Variants in NAV2 observed in about 807,000 individuals in gnomAD.
NAV2 encodes neuron navigator 2, also known as helicase, APC down-regulated 1.
NAV2 carries 54 observed loss-of-function variants against 223.2 expected under a neutral mutation model. That is an observed-to-expected ratio of 0.24 (90% CI 0.19 to 0.30). NAV2 has a LOEUF of 0.30. Ranked by LOEUF, NAV2 falls within the 10% of genes least tolerant of loss-of-function variation. The pLI, the probability that NAV2 is intolerant of heterozygous loss-of-function variation, is 1.00. For missense variants in NAV2, 2,806 were observed against 3,147.5 expected, an observed-to-expected ratio of 0.89 and a Z score of 2.60; for synonymous variants, 1,279 against 1,239.3, an observed-to-expected ratio of 1.03 and a Z score of -0.67.
At chr11:19,829,802 A>G (rs1265119609) in intron 1 of NAV2, among the ~76,000 whole-genome samples, 1 of 152,186 alleles carries the variant, frequency 6.6e-6, no homozygotes, top group Non-Finnish European at 1.5e-5. Flanking sequence ...GAGTCTTCAC[A>G]TCGACCTTCT....
intron 1 of NAV2, among the ~76,000 whole-genome samples, chr11:19,472,201 A>T (rs1252993852): frequency 6.6e-6 from 1 of 152,190 alleles, no homozygotes; most frequent in East Asian, 1.9e-4. Flanking sequence ...AGCTGGAGGT[A>T]TAGACAGGAA....
At chr11:19,609,521 A>G (rs1363753569) in intron 1 of NAV2, among the ~76,000 whole-genome samples, 1 of 152,146 alleles carries the variant, frequency 6.6e-6, no homozygotes, top group Non-Finnish European at 1.5e-5. Context: ...TAGCATGGGC[A>G]AAGGTCTAAA....
At chr11:19,630,533 C>G (rs186313131) in intron 1 of NAV2, among the ~76,000 whole-genome samples, 218 of 152,188 alleles carry the variant, frequency 1.4e-3, no homozygotes, top group African/African-American at 4.9e-3. Flanking sequence ...CCACTTCTAC[C>G]CAGATTGCTC....
chr11:19,376,315 T>C (rs960617976), intron 1 of NAV2, among the ~76,000 whole-genome samples: 2 of 152,222 alleles, frequency 1.3e-5, no homozygotes, highest in Non-Finnish European at 2.9e-5. Flanking sequence ...AGCATCCTAA[T>C]TGGTAAATAC....
At chr11:19,659,212 C>T (rs189780081) in intron 1 of NAV2, among the ~76,000 whole-genome samples, 11 of 152,036 alleles carry the variant, frequency 7.2e-5, no homozygotes, top group Non-Finnish European at 1.0e-4. Flanking sequence ...GCATTTAGAC[C>T]GGAGACCTCT....
At chr11:19,676,162 C>A (rs924469528) in intron 1 of NAV2, among the ~76,000 whole-genome samples, 1 of 152,200 alleles carries the variant, frequency 6.6e-6, no homozygotes, top group African/African-American at 2.4e-5. Flanking sequence ...GTCCCTTCCT[C>A]CTCGATCCCC....
At chr11:19,824,920 T>A (rs1348522016) in intron 1 of NAV2, among the ~76,000 whole-genome samples, 1 of 152,214 alleles carries the variant, frequency 6.6e-6, no homozygotes, top group Non-Finnish European at 1.5e-5. Flanking sequence ...AACACTCTAC[T>A]ATTGTTGCAA....
intron 1 of NAV2, among the ~76,000 whole-genome samples, chr11:19,652,682 G>T (rs1292970314): frequency 6.6e-6 from 1 of 152,188 alleles, no homozygotes. Context: ...CCCTGAGTCT[G>T]CTTCCCCACT....
chr11:19,461,848 T>C (rs1448425557), intron 1 of NAV2, among the ~76,000 whole-genome samples: 2 of 152,198 alleles, frequency 1.3e-5, no homozygotes, highest in Non-Finnish European at 2.9e-5. Flanking sequence ...GAAACTAGAC[T>C]GTGCTGGAGT....
At chr11:20,090,842 C>A in intron 26 of NAV2, 23 bp from the exon 27 acceptor site, 1 of 1,611,414 alleles carries the variant, frequency 6.2e-7, no homozygotes, top group Non-Finnish European at 8.5e-7. Flanking sequence ...CTGCTTTCAT[C>A]AGTAACATTC....
intron 6 of NAV2, among the ~76,000 whole-genome samples, chr11:19,904,235 A>G (rs1408516490): frequency 6.6e-6 from 1 of 152,148 alleles, no homozygotes; most frequent in Non-Finnish European, 1.5e-5. Flanking sequence ...TCATATATTC[A>G]TGTGTCTGAG....
At chr11:20,014,704 C>T (rs543225230) in intron 11 of NAV2, among the ~76,000 whole-genome samples, 127 of 152,258 alleles carry the variant, frequency 8.3e-4, no homozygotes, top group African/African-American at 2.9e-3. Context: ...GAGTTCAAGA[C>T]CAGCCTGGAC....
chr11:19,618,375 T>TGGAC (rs2046864596), intron 1 of NAV2, among the ~76,000 whole-genome samples: 1 of 98,880 alleles, frequency 1.0e-5, no homozygotes, highest in Non-Finnish European at 2.0e-5. Flanking sequence ...GATGGATGGA[T>TGGAC]GGATGGATGG....
At chr11:19,729,542 C>T (rs541131472) in intron 1 of NAV2, among the ~76,000 whole-genome samples, 25 of 152,282 alleles carry the variant, frequency 1.6e-4, no homozygotes, top group African/African-American at 6.0e-4. Context: ...TAACTGTGCC[C>T]ATAGAGTTGA....
At chr11:19,611,383 A>G (rs1314473866) in intron 1 of NAV2, among the ~76,000 whole-genome samples, 1 of 152,160 alleles carries the variant, frequency 6.6e-6, no homozygotes, top group Admixed American at 6.5e-5. Context: ...CCTTCCCGAC[A>G]GTCCCCCAAA....
chr11:19,764,654 T>C (rs1380578261), intron 1 of NAV2, among the ~76,000 whole-genome samples: 2 of 152,234 alleles, frequency 1.3e-5, no homozygotes, highest in Admixed American at 6.5e-5. Flanking sequence ...CTTTTTTCTT[T>C]TCTTTTCTCC....
intron 1 of NAV2, among the ~76,000 whole-genome samples, chr11:19,629,468 T>C (rs181438558): frequency 3.3e-5 from 5 of 151,698 alleles, no homozygotes; most frequent in African/African-American, 4.8e-5. Flanking sequence ...ACATTTTTCT[T>C]ACGCACTTGC....
At chr11:20,077,102 A>G (rs1038392814) in intron 22 of NAV2, among the ~76,000 whole-genome samples, 2 of 152,172 alleles carry the variant, frequency 1.3e-5, no homozygotes, top group Non-Finnish European at 2.9e-5. Flanking sequence ...ATCATCCTCC[A>G]TTGTAGTAGA....
intron 1 of NAV2, among the ~76,000 whole-genome samples, chr11:19,626,066 T>C (rs1243570614): frequency 1.3e-5 from 2 of 152,192 alleles, no homozygotes; most frequent in African/African-American, 4.8e-5. Flanking sequence ...ATTTTTGCTT[T>C]GGTTGCCTGT....
Sources: gnomAD v4.1 joint callset for allele counts (sites outside exome capture counted in the v4.1 genomes callset) on GRCh38, gnomAD v4.1.1 for gene constraint, MANE v1.5 for transcripts, NCBI Gene and HGNC (gene_info 2026-07-23, HGNC 2026-07-21) for gene names.